The following SPIDR variants were observed in gnomAD, a reference collection of about 807,000 sequenced individuals.
SPIDR encodes the protein scaffold protein involved in DNA repair, also known as DNA repair-scaffolding protein.
A neutral mutation model predicts 104.6 loss-of-function variants in SPIDR; 93 were observed. That is an observed-to-expected ratio of 0.89 (90% confidence interval 0.75 to 1.06). The LOEUF is 1.06. Ranked by LOEUF, SPIDR falls within the 50% of genes least tolerant of loss-of-function variation. The pLI is 0.00. For synonymous variants in SPIDR, 431 were observed against 416.9 expected (o/e 1.03, Z -0.41); for missense variants, 1,154 against 1,111.2 (o/e 1.04, Z -0.55).
At chr8:47,317,008 TAG>T (rs1401403991) in intron 5 of SPIDR, among the ~76,000 whole-genome samples, 1 of 152,200 alleles carries the variant, frequency 6.6e-6, no homozygotes, top group African/African-American at 2.4e-5. Context: ...AGCTCCAGTC[TAG>T]AGCTCCCAGC....
At position 47,487,917 on chromosome 8, in the gene SPIDR, T is replaced by A. The variant is rs183256504; in HGVS notation, c.1097+47375T>A. Among the ~76,000 whole-genome samples the A allele has an allele frequency of 4.6e-5, 7 of 152,034 alleles. No individual in the cohort carries two copies. In the East Asian group the frequency reaches 1.4e-3, roughly 29 times the overall value. ...AAGAGAAAGCAGGAAAGATCTAAAATTGACACCCTAACATCACAATTAAAA... is the reference window on the plus strand; with the variant it reads ...AAGAGAAAGCAGGAAAGATCTAAAAATGACACCCTAACATCACAATTAAAA... On this transcript the variant is annotated intron_variant, in intron 8 of 19. Coordinates refer to ENST00000297423, the MANE Select transcript of SPIDR (RefSeq NM_001080394.4).
chr8:47,636,402 G>T (rs149928658), intron 10 of SPIDR, among the ~76,000 whole-genome samples: 1 of 152,278 alleles, frequency 6.6e-6, no homozygotes, highest in South Asian at 2.1e-4. Flanking sequence ...CAGTGGCCTC[G>T]AAGTGTTCAG....
intron 10 of SPIDR, chr8:47,667,952 T>C (rs1462730231): frequency 6.6e-6 from 1 of 151,722 alleles, no homozygotes; most frequent in African/African-American, 2.4e-5. Flanking sequence ...AGTTTGAAAA[T>C]AGACAAGATG....
chr8:47,287,477 C>A (rs2039065117), intron 3 of SPIDR, among the ~76,000 whole-genome samples: 1 of 152,046 alleles, frequency 6.6e-6, no homozygotes, highest in Non-Finnish European at 1.5e-5. Flanking sequence ...CTGCAGGAGA[C>A]CAGGGTGTAT....
chr8:47,671,055 G>A (rs950297571), intron 10 of SPIDR, among the ~76,000 whole-genome samples: 8 of 151,896 alleles, frequency 5.3e-5, no homozygotes, highest in African/African-American at 1.9e-4. Flanking sequence ...GACCACAACC[G>A]TGCACCACCA....
intron 8 of SPIDR, among the ~76,000 whole-genome samples, chr8:47,500,648 T>A (rs536644282): frequency 6.6e-6 from 1 of 152,354 alleles, no homozygotes; most frequent in East Asian, 1.9e-4. Context: ...TTAGTTTAAT[T>A]GAATCCCATT....
In SPIDR at chr8:47,486,448, A is replaced by C. The variant is rs970697959; in HGVS notation, c.1097+45906A>C. 7.2e-5 allele frequency among the ~76,000 whole-genome samples: 11 copies of C among 152,326 alleles called. No individual in the cohort carries two copies. The East Asian group carries it at 2.1e-3, about 29-fold the overall frequency. ...CACTCTGCGGATATTATCCAGGAGA[A>C]CTTCCCCAACCTAGTGAGGCAGACC... On this transcript the variant is annotated intron_variant, in intron 8 of 19. Coordinates refer to ENST00000297423, the MANE Select transcript of SPIDR (RefSeq NM_001080394.4).
chr8:47,694,986 A>G (rs2079135525), intron 11 of SPIDR, among the ~76,000 whole-genome samples: 1 of 152,182 alleles, frequency 6.6e-6, no homozygotes. Context: ...ATATTTAGCA[A>G]TGAGAGTCAC....
chr8:47,585,200 A>C (rs1173063326), intron 8 of SPIDR, among the ~76,000 whole-genome samples: 2 of 152,198 alleles, frequency 1.3e-5, no homozygotes, highest in African/African-American at 2.4e-5. Context: ...ATCTTCTATC[A>C]GGGAAATTTG....
At chr8:47,688,600 A>C (rs930498595) in intron 11 of SPIDR, 3 of 152,208 alleles carry the variant, frequency 2.0e-5, no homozygotes, top group Non-Finnish European at 2.9e-5. Flanking sequence ...ATTCCATTTT[A>C]TGCATTTACC....
intron 5 of SPIDR, among the ~76,000 whole-genome samples, chr8:47,342,904 C>G (rs1342432752): frequency 6.6e-6 from 1 of 152,080 alleles, no homozygotes; most frequent in Non-Finnish European, 1.5e-5. Context: ...TTTATAAAAA[C>G]AAATCTCCCA....
At chr8:47,442,848 C>T (rs1554698294) in intron 8 of SPIDR, among the ~76,000 whole-genome samples, 1 of 152,222 alleles carries the variant, frequency 6.6e-6, no homozygotes, top group African/African-American at 2.4e-5. Context: ...AGTCCTCCCA[C>T]ATTGGCCTCC....
intron 8 of SPIDR, among the ~76,000 whole-genome samples, chr8:47,526,286 G>A (rs895444106): frequency 6.6e-6 from 1 of 152,136 alleles, no homozygotes; most frequent in African/African-American, 2.4e-5. Flanking sequence ...TTTAATTCTG[G>A]TCTGGTCCAT....
At position 47,294,136 on chromosome 8, in the gene SPIDR, C is replaced by G; in HGVS notation, c.525+106C>G. The G allele has an allele frequency of 2.2e-6, 3 of 1,390,810 alleles. No individual in the cohort carries two copies. In the South Asian group the frequency reaches 4.4e-5, roughly 20 times the overall value. The allele number at this position is 1,390,810 out of a possible 1,614,324, so 86.2% of individuals were successfully genotyped here. ...TTTTCCTGTCCTTCCTCGAGAACAACCACTTTTGACTCTTAGGGGATTCTT... is the reference window on the plus strand; with the variant it reads ...TTTTCCTGTCCTTCCTCGAGAACAAGCACTTTTGACTCTTAGGGGATTCTT... On this transcript the variant is annotated intron_variant, in intron 5 of 19. Transcript: ENST00000297423.
At chr8:47,376,578 G>C (rs2058684587) in intron 5 of SPIDR, among the ~76,000 whole-genome samples, 1 of 152,162 alleles carries the variant, frequency 6.6e-6, no homozygotes. Context: ...AACCAGTCTG[G>C]AATATCCCAG....
At chr8:47,457,049 T>C (rs555353030) in intron 8 of SPIDR, among the ~76,000 whole-genome samples, 1 of 152,306 alleles carries the variant, frequency 6.6e-6, no homozygotes, top group South Asian at 2.1e-4. Flanking sequence ...CAATTGCAAA[T>C]TGTGCCACTA....
chr8:47,326,958 TGAAG>T (rs1348064785), intron 5 of SPIDR, among the ~76,000 whole-genome samples: 1 of 152,202 alleles, frequency 6.6e-6, no homozygotes, highest in Non-Finnish European at 1.5e-5. Context: ...TGGATATATA[TGAAG>T]GAGTGAAATT....
intron 6 of SPIDR, among the ~76,000 whole-genome samples, chr8:47,404,759 T>A (rs1269860063): frequency 6.6e-6 from 1 of 152,230 alleles, no homozygotes; most frequent in Non-Finnish European, 1.5e-5. Flanking sequence ...TTGGTGGGAC[T>A]GTAAACTGGT....
chr8:47,431,641 C>T lies in SPIDR; in HGVS notation c.878-8682C>T, dbSNP rs545860091. On this transcript the variant is annotated intron_variant, in intron 7 of 19. Transcript: ENST00000297423. ...CTGGGGATTGTGAAAACTTTTTGAT[C>T]GCCTGGTCAGTCTTGTCTACTTTTT... 3.9e-5 allele frequency among the ~76,000 whole-genome samples: 6 copies of T among 152,158 alleles called. No homozygotes were observed. In the South Asian group the frequency reaches 1.2e-3, roughly 32 times the overall value.
Sources: gnomAD v4.1 joint callset for allele counts (sites outside exome capture counted in the v4.1 genomes callset) on GRCh38, gnomAD v4.1.1 for gene constraint, MANE v1.5 for transcripts, NCBI Gene and HGNC (gene_info 2026-07-23, HGNC 2026-07-21) for gene names.